The following KIF17 variants were observed in gnomAD, a reference collection of about 807,000 sequenced individuals.
The protein encoded by KIF17 is kinesin-like protein KIF17.
In KIF17, 80 loss-of-function variants were observed where a neutral mutation model predicts 96.8. The ratio of observed to expected loss-of-function variants is 0.83; its 90% CI spans 0.69 to 1.00. The LOEUF (loss-of-function observed/expected upper bound fraction) is 1.00, where lower values mean the gene tolerates loss of function less well. KIF17 is among the 50% of genes least tolerant of loss of function. KIF17 has a pLI of 0.00. For missense variants in KIF17, 1,280 were observed against 1,372.9 expected (o/e 0.93, Z 1.07); for synonymous variants, 567 against 587.5 (o/e 0.97, Z 0.51).
chr1:20,704,639 A>G lies in KIF17; in HGVS notation c.931T>C (p.Cys311Arg). The G allele has an allele frequency of 6.2e-7, 1 of 1,614,026 alleles. No individual in the cohort carries two copies. The highest frequency in any genetic ancestry group is 8.5e-7 in the Non-Finnish European group (1 of 1,179,974). Residue 311 changes from cysteine to arginine, a missense_variant, in exon 5 of 15, where the codon TGC (cysteine) becomes CGC (arginine). Transcript: ENST00000400463. The surrounding 1 kb of genome is among the most constrained non-coding windows in gnomAD (Gnocchi z 6.8). Reference sequence around the variant, plus strand: ...TAGTTGTTGTCCGCAGGCGACAGGCAGGCCACCATGAGCGTCTTGGTGTTG... The same window carrying G: ...TAGTTGTTGTCCGCAGGCGACAGGCGGGCCACCATGAGCGTCTTGGTGTTG... ...GGNTKTLMVA[C>R]LSPADNNYDE...
At chr1:20,673,419 G>C (rs1442799593) in intron 11 of KIF17, among the ~76,000 whole-genome samples, 1 of 152,000 alleles carries the variant, frequency 6.6e-6, no homozygotes, top group East Asian at 1.9e-4. Flanking sequence ...TAGATACGAG[G>C]CTCACTTTGT....
intron 3 of KIF17, among the ~76,000 whole-genome samples, chr1:20,712,872 T>TA (rs1557607108): frequency 2.1e-4 from 15 of 72,092 alleles, no homozygotes; most frequent in African/African-American, 5.8e-4. Context: ...ATTATAGATA[T>TA]TATCTATATA....
rs1161395137 is a variant in KIF17, at chr1:20,664,676, G to A, written c.2995C>T (p.Pro999Ser). 1 of 1,613,110 alleles carries A rather than the reference G, an allele frequency of 6.2e-7. No individual in the cohort carries two copies. The highest frequency in any genetic ancestry group is 1.7e-5 in the Admixed American group (1 of 59,978). The change falls in exon 15 of 15, where the codon CCC becomes TCC. Residue 999 changes from proline (P) to serine (S), a missense_variant. Physicochemically the swap from Pro to Ser is moderately conservative, Grantham distance 74 (BLOSUM62 -1). Transcript: ENST00000400463. ...AGGGACTCGAGGCGGAAGGGCCGGGGCTGGGGCATTTCAGGGGCCTGGGTG... is the reference window on the plus strand; with the variant it reads ...AGGGACTCGAGGCGGAAGGGCCGGGACTGGGGCATTTCAGGGGCCTGGGTG... ...PPTQAPEMPQ[P>S]RPFRLESLDI...
At position 20,704,473 on chromosome 1, in the gene KIF17, T is replaced by C. The variant is rs749266864; in HGVS notation, c.1097A>G (p.Gln366Arg). The change falls in exon 5 of 15, where the codon CAG becomes CGG. Residue 366 changes from glutamine (Q) to arginine (R), a missense_variant. Coordinates refer to ENST00000400463, the MANE Select transcript of KIF17 (RefSeq NM_001122819.3). This position sits in a 1 kb window ranked among gnomAD's most constrained non-coding sequence, Gnocchi z 6.8. ...TGACAGGCTGCTGGGGCTCATCTGC[T>C]GTGTCAGGATGGCCTTGAGCTTCTT... ...EIKKLKAILT[Q>R]QMSPSSLSAL... is the part of the protein sequence containing the mutation. The C allele has an allele frequency of 1.9e-6, 3 of 1,614,034 alleles. No individual in the cohort carries two copies. Among genetic ancestry groups the C allele is most frequent in the Admixed American group, 1.7e-5 (1 of 60,008 alleles).
chr1:20,666,397 C>T, intron 13 of KIF17, 66 bp from the exon 14 acceptor site: 1 of 1,305,228 alleles, frequency 7.7e-7, no homozygotes, highest in South Asian at 1.2e-5. Context: ...GGCTCCACAG[C>T]CTCTGGTATC....
chr1:20,682,312 T>C (rs2053843313), intron 11 of KIF17, among the ~76,000 whole-genome samples: 1 of 152,082 alleles, frequency 6.6e-6, no homozygotes, highest in African/African-American at 2.4e-5. Flanking sequence ...TGCAGGCACT[T>C]AATAAGTGCT....
rs542759791 is a variant in KIF17, at chr1:20,689,630, G to A, written c.1381+558C>T. On this transcript the variant is annotated intron_variant, in intron 7 of 14. Transcript: ENST00000400463. The stretch of plus-strand genomic sequence containing the variant: ...CATGCCACTGCACTCCAGCCTGGGC[G>A]ATGGAGCAAGACTCCATCTCAAAAC... Among the ~76,000 whole-genome samples, 42 of 151,548 alleles carry A rather than the reference G, an allele frequency of 2.8e-4. No homozygotes were observed. In the South Asian group the frequency reaches 2.9e-3, roughly 11 times the overall value.
chr1:20,713,301 A>T (rs2054514158), intron 3 of KIF17, among the ~76,000 whole-genome samples, 153 bp downstream of exon 3: 1 of 150,298 alleles, frequency 6.7e-6, no homozygotes, highest in Admixed American at 6.6e-5. Flanking sequence ...TGCCTAAAAA[A>T]GTTTTTTTTA....
rs2054611216 is a variant in KIF17, at chr1:20,717,804, GGGGGCGGGGCCTTGAGGCA to G, written c.-117_-99del. On this transcript the variant is annotated 5_prime_UTR_variant, in exon 1 of 15. Transcript: ENST00000400463. Reference sequence around the variant, plus strand: ...AGGGGCGGGGCCAGCGCCGGCCACGGGGGGCGGGGCCTTGAGGCAGGGGCGGGGCCGCGGCGGGGGGCGG... The same window carrying G: ...AGGGGCGGGGCCAGCGCCGGCCACGGGGGGCGGGGCCGCGGCGGGGGGCGG... The G allele has an allele frequency of 1.5e-6, 2 of 1,315,242 alleles. No individual in the cohort carries two copies. The highest frequency in any genetic ancestry group is 1.9e-6 in the Non-Finnish European group (2 of 1,030,668). The allele number at this position is 1,315,242 out of a possible 1,614,324, so 81.5% of individuals were successfully genotyped here.
At chr1:20,689,471 C>T (rs981673864) in intron 7 of KIF17, among the ~76,000 whole-genome samples, 2 of 152,042 alleles carry the variant, frequency 1.3e-5, no homozygotes, top group Admixed American at 6.6e-5. Flanking sequence ...GCCAACATGA[C>T]GAAATCCCGT....
intron 11 of KIF17, among the ~76,000 whole-genome samples, chr1:20,677,748 C>G (rs953464832): frequency 1.3e-5 from 2 of 152,110 alleles, no homozygotes; most frequent in Admixed American, 1.3e-4. Flanking sequence ...CCCAGCTACT[C>G]GGGAGGCTGA....
Position 20,704,691 on chromosome 1 carries a change from C to T in KIF17, c.879G>A (p.Thr293=), listed in dbSNP as rs769127591. The part of the protein sequence containing the change: ...KHVPYRDSKL[T]RLLQDSLGGN... ...CGCCCAGTGAGTCCTGCAGCAGCCG[C>T]GTCAGCTTCGAGTCACGGTAGGGGA... Residue 293 remains threonine (T), a synonymous_variant, in exon 5 of 15, where the codon ACG becomes ACA. Transcript: ENST00000400463. This position sits in a 1 kb window ranked among gnomAD's most constrained non-coding sequence, Gnocchi z 6.8. 3 of 1,614,126 alleles carry T rather than the reference C, an allele frequency of 1.9e-6. No homozygotes were observed. The highest frequency in any genetic ancestry group is 2.2e-5 in the South Asian group (2 of 91,078).
chr1:20,712,063 T>C (rs75249585), intron 3 of KIF17, among the ~76,000 whole-genome samples: 9,746 of 152,210 alleles, frequency 0.064, 400 homozygotes, highest in South Asian at 0.086. Context: ...GCTGGTTCAA[T>C]AGGCCTGAGA....
intron 14 of KIF17, 29 bp from the exon 15 acceptor site, chr1:20,664,791 A>G (rs141856780): frequency 6.2e-7 from 1 of 1,604,104 alleles, no homozygotes; most frequent in East Asian, 2.2e-5. Context: ...AGGTGCTGGT[A>G]AGCCAGGAGC....
intron 5 of KIF17, among the ~76,000 whole-genome samples, chr1:20,702,054 C>T (rs1435496148): frequency 1.3e-5 from 2 of 152,172 alleles, no homozygotes; most frequent in Non-Finnish European, 2.9e-5. Flanking sequence ...AGGCCGCATG[C>T]ATTGTCTCTG....
rs1284313052 is a variant in KIF17, at chr1:20,664,568, T to C, written c.*16A>G. ...CTCTACATGCCTATAAGGCAGGCAATGGCAAGCAGCTGTGCTCACAGAGGC... is the reference window on the plus strand; with the variant it reads ...CTCTACATGCCTATAAGGCAGGCAACGGCAAGCAGCTGTGCTCACAGAGGC... On this transcript the variant is annotated 3_prime_UTR_variant, in exon 15 of 15. Transcript: ENST00000400463. The C allele has an allele frequency of 1.9e-6, 3 of 1,613,818 alleles. No individual in the cohort carries two copies. In the African/African-American group the frequency reaches 4.0e-5, roughly 22 times the overall value.
intron 6 of KIF17, among the ~76,000 whole-genome samples, chr1:20,694,173 C>T (rs1165121328): frequency 6.6e-6 from 1 of 151,862 alleles, no homozygotes; most frequent in Non-Finnish European, 1.5e-5. Flanking sequence ...TCTCGGCTCA[C>T]TGTAACCTCC....
Position 20,700,067 on chromosome 1 carries a change from G to GTT in KIF17, c.1124-1581_1124-1580dup, listed in dbSNP as rs2154536930. The stretch of plus-strand genomic sequence containing the variant: ...AGTGAACTGGCTGTAGCCAGTTTTT[G>GTT]TTTTGTTTTGTTTTGTTTTTTGAGA... On this transcript the variant is annotated intron_variant, in intron 5 of 14. Transcript: ENST00000400463. The surrounding 1 kb of genome is among the most constrained non-coding windows in gnomAD (Gnocchi z 4.6). Among the ~76,000 whole-genome samples, 1 of 152,046 alleles carries GTT rather than the reference G, an allele frequency of 6.6e-6. No homozygotes were observed. The highest frequency in any genetic ancestry group is 2.4e-5 in the African/African-American group (1 of 41,484).
At position 20,713,496 on chromosome 1, in the gene KIF17, A is replaced by T. The variant is rs775119585; in HGVS notation, c.438T>A (p.Asp146Glu). The change falls in exon 3 of 15, where the codon GAT (aspartate) becomes GAA (glutamate). Residue 146 changes from aspartate to glutamate, a missense_variant. Transcript: ENST00000400463. Reference protein sequence around the residue: ...RASYLEIYNEDVRDLLGADTK... With the variant: ...RASYLEIYNEEVRDLLGADTK... ...TGTCAGCCCCAAGGAGGTCCCGGAC[A>T]TCTTCATTGTAGATCTCCAGGTAGG... 1 of 1,613,476 alleles carries T rather than the reference A, an allele frequency of 6.2e-7. No homozygotes were observed. The highest frequency in any genetic ancestry group is 8.5e-7 in the Non-Finnish European group (1 of 1,179,928).
Sources: allele counts gnomAD v4.1 joint callset (sites outside exome capture counted in the v4.1 genomes callset), GRCh38; gene constraint gnomAD v4.1.1; non-coding constraint Gnocchi (gnomAD v3.1); transcripts MANE v1.5; gene names NCBI Gene and HGNC (gene_info 2026-07-23, HGNC 2026-07-21).